Variants in SYT1 observed in about 807,000 individuals in gnomAD.
SYT1 encodes synaptotagmin 1.
In SYT1, 8 loss-of-function variants were observed where a neutral mutation model predicts 44.8. The ratio of observed to expected loss-of-function variants is 0.18; its 90% CI spans 0.10 to 0.32. The LOEUF is 0.32. Ranked by LOEUF, SYT1 falls within the 10% of genes least tolerant of loss-of-function variation. The pLI is 1.00. For missense variants in SYT1, 286 were observed against 509.3 expected (o/e 0.56, Z 4.22); for synonymous variants, 154 against 188.8 (o/e 0.82, Z 1.51).
chr12:79,434,153 T>A (rs1869954169), intron 9 of SYT1, among the ~76,000 whole-genome samples: 1 of 152,244 alleles, frequency 6.6e-6, no homozygotes, highest in Admixed American at 6.5e-5. Flanking sequence ...CCACCATTAA[T>A]GAACTAAATC....
At chr12:79,304,087 G>A (rs1880275652) in intron 8 of SYT1, among the ~76,000 whole-genome samples, 1 of 152,136 alleles carries the variant, frequency 6.6e-6, no homozygotes, top group Non-Finnish European at 1.5e-5. Flanking sequence ...AGCATTTCAG[G>A]AATTATACTT....
At chr12:78,889,976 T>C (rs1294429219) in intron 1 of SYT1, among the ~76,000 whole-genome samples, 1 of 151,940 alleles carries the variant, frequency 6.6e-6, no homozygotes, top group Non-Finnish European at 1.5e-5. Context: ...CTTATGTATA[T>C]TTGAGTTTTA....
chr12:79,253,266 C>G (rs571734881), intron 4 of SYT1, among the ~76,000 whole-genome samples: 52 of 152,176 alleles, frequency 3.4e-4, no homozygotes, highest in African/African-American at 1.3e-3. Flanking sequence ...GCCATTTTCC[C>G]CAAAGCTACG....
rs372210060 is a variant in SYT1 at position 78,932,222 on chromosome 12, A to G, written c.-216-45577A>G. Among the ~76,000 whole-genome samples the G allele has an allele frequency of 7.9e-5, 12 of 152,152 alleles. No homozygotes were observed. The East Asian group carries it at 1.3e-3, about 17-fold the overall frequency. The stretch of plus-strand genomic sequence containing the variant: ...TAGGTTTTTGGTTTGGTTTTGTTTA[A>G]TTAATTCATTTAACCATAAATACTT... On this transcript the variant is annotated intron_variant, in intron 1 of 10. Coordinates refer to ENST00000261205, the MANE Select transcript of SYT1 (RefSeq NM_005639.3).
intron 3 of SYT1, among the ~76,000 whole-genome samples, chr12:79,144,686 C>T (rs538676400): frequency 6.6e-6 from 1 of 152,330 alleles, no homozygotes; most frequent in South Asian, 2.1e-4. Flanking sequence ...CACACCCTGG[C>T]TCATTTCGTT....
At chr12:79,023,894 T>G (rs997232337) in intron 2 of SYT1, among the ~76,000 whole-genome samples, 16 of 151,792 alleles carry the variant, frequency 1.1e-4, no homozygotes, top group African/African-American at 3.9e-4. Flanking sequence ...TCCTAAACAC[T>G]TAAGTATGTA....
chr12:79,339,200 G>T (rs1388615707), intron 8 of SYT1, among the ~76,000 whole-genome samples: 1 of 152,078 alleles, frequency 6.6e-6, no homozygotes, highest in African/African-American at 2.4e-5. Context: ...GGGATGGCTG[G>T]GTCAAATGGT....
At chr12:79,276,672 CAAA>C (rs570244503) in intron 4 of SYT1, among the ~76,000 whole-genome samples, 2 of 116,144 alleles carry the variant, frequency 1.7e-5, no homozygotes, top group Non-Finnish European at 1.8e-5. Flanking sequence ...AAGACTCCAT[CAAA>C]AAAAAAAAAA....
intron 3 of SYT1, among the ~76,000 whole-genome samples, chr12:79,160,123 T>G (rs1870858439): frequency 6.6e-6 from 1 of 152,122 alleles, no homozygotes; most frequent in Non-Finnish European, 1.5e-5. Context: ...TAGGCTTTGT[T>G]GTGCTACTGA....
intron 3 of SYT1, among the ~76,000 whole-genome samples, chr12:79,108,384 A>G (rs1217960526): frequency 6.6e-6 from 1 of 152,050 alleles, no homozygotes; most frequent in Admixed American, 6.5e-5. Context: ...AAAGTATTCT[A>G]ATAGAAAATT....
chr12:78,927,264 G>GGGAA (rs1270505761), intron 1 of SYT1, among the ~76,000 whole-genome samples: 1 of 151,964 alleles, frequency 6.6e-6, no homozygotes, highest in Non-Finnish European at 1.5e-5. Context: ...ATGCTGGAGG[G>GGGAA]GGAAGTGAAA....
intron 8 of SYT1, among the ~76,000 whole-genome samples, chr12:79,327,535 G>C (rs1424305117): frequency 6.6e-6 from 1 of 152,166 alleles, no homozygotes; most frequent in African/African-American, 2.4e-5. Context: ...ACTATGTTCT[G>C]TAGCTTCTGC....
chr12:79,331,633 G>C (rs187351136), intron 8 of SYT1, among the ~76,000 whole-genome samples: 5 of 152,052 alleles, frequency 3.3e-5, no homozygotes, highest in African/African-American at 1.2e-4. Context: ...TCCCTTTGCA[G>C]AATTTATTAG....
intron 8 of SYT1, 66 bp from the exon 9 acceptor site, chr12:79,353,436 T>A: frequency 8.4e-7 from 1 of 1,186,888 alleles, no homozygotes; most frequent in South Asian, 1.2e-5. Context: ...ATTTACAATA[T>A]ATATGTTAAA....
chr12:79,103,248 A>T (rs964021787), intron 3 of SYT1, among the ~76,000 whole-genome samples: 3 of 152,212 alleles, frequency 2.0e-5, no homozygotes, highest in Non-Finnish European at 2.9e-5. Context: ...AAAATAATAT[A>T]AAAATCATCC....
At chr12:78,888,164 C>A (rs1048372975) in intron 1 of SYT1, among the ~76,000 whole-genome samples, 1 of 151,490 alleles carries the variant, frequency 6.6e-6, no homozygotes, top group Non-Finnish European at 1.5e-5. Flanking sequence ...TAGTTTTTTT[C>A]AAAATCTATG....
intron 1 of SYT1, chr12:78,976,545 T>C (rs1317935698): frequency 6.6e-6 from 1 of 152,198 alleles, no homozygotes; most frequent in Non-Finnish European, 1.5e-5. Flanking sequence ...AATGTAAAAT[T>C]CTATTCAGAA....
chr12:79,171,775 A>G (rs1006327566), intron 3 of SYT1, among the ~76,000 whole-genome samples: 1 of 151,994 alleles, frequency 6.6e-6, no homozygotes, highest in Non-Finnish European at 1.5e-5. Flanking sequence ...ACATGGATGA[A>G]CTAGTTAATC....
intron 2 of SYT1, among the ~76,000 whole-genome samples, chr12:78,998,566 G>A (rs185121652): frequency 6.6e-6 from 1 of 152,318 alleles, no homozygotes; most frequent in East Asian, 1.9e-4. Context: ...TCATAAAGCA[G>A]TATCTAAACA....
Sources: gnomAD v4.1 joint callset for allele counts (sites outside exome capture counted in the v4.1 genomes callset) on GRCh38, gnomAD v4.1.1 for gene constraint, MANE v1.5 for transcripts, NCBI Gene and HGNC (gene_info 2026-07-23, HGNC 2026-07-21) for gene names.